Variants in FOXP1 observed in about 807,000 individuals in gnomAD.
The protein encoded by FOXP1 is forkhead box P1.
In FOXP1, 15 loss-of-function variants were observed where a neutral mutation model predicts 98.2. The ratio of observed to expected loss-of-function variants is 0.15; its 90% CI spans 0.10 to 0.24. The LOEUF (loss-of-function observed/expected upper bound fraction) is 0.24, where lower values mean the gene tolerates loss of function less well. Among genes scored for constraint, FOXP1 ranks in the 10% least tolerant of loss-of-function variants. The pLI, the probability that FOXP1 is intolerant of heterozygous loss-of-function variation, is 1.00. For missense variants in FOXP1, 633 were observed against 848.5 expected, an observed-to-expected ratio of 0.75 and a Z score of 3.15; for synonymous variants, 371 against 314.5, an observed-to-expected ratio of 1.18 and a Z score of -1.90.
At chr3:71,450,724 A>G (rs187794148) in intron 3 of FOXP1, among the ~76,000 whole-genome samples, 1 of 152,360 alleles carries the variant, frequency 6.6e-6, no homozygotes, top group Admixed American at 6.5e-5. Flanking sequence ...AGTAAGTGAT[A>G]AGATGAGTTG....
At chr3:71,448,264 A>G (rs6772376) in intron 3 of FOXP1, among the ~76,000 whole-genome samples, 99,794 of 151,964 alleles carry the variant, frequency 0.66, 34,239 homozygotes, top group Non-Finnish European at 0.75. Flanking sequence ...CTCTCTGAAC[A>G]GCTTCCACAA....
intron 6 of FOXP1, among the ~76,000 whole-genome samples, chr3:71,176,648 G>A (rs911803651): frequency 6.6e-6 from 1 of 151,456 alleles, no homozygotes; most frequent in African/African-American, 2.4e-5. Flanking sequence ...GGCTCGGGTG[G>A]GAGGATTGCT....
chr3:71,235,578 T>C (rs1033473740), intron 5 of FOXP1, among the ~76,000 whole-genome samples: 3 of 152,148 alleles, frequency 2.0e-5, no homozygotes, highest in Non-Finnish European at 2.9e-5. Context: ...TCTTTTTTTT[T>C]TCTCTTGAAA....
At chr3:71,502,971 T>G (rs2107212371) in intron 2 of FOXP1, among the ~76,000 whole-genome samples, 1 of 84,354 alleles carries the variant, frequency 1.2e-5, no homozygotes, top group East Asian at 3.2e-4. Context: ...TTTGCCTGCT[T>G]TACAATTAGA....
intron 19 of FOXP1, 179 bp downstream of exon 19, chr3:70,970,557 G>C: frequency 1.6e-6 from 1 of 639,832 alleles, no homozygotes; most frequent in Middle Eastern, 3.7e-4. Flanking sequence ...TAAGCATCCC[G>C]CTAACGCTGA....
intron 3 of FOXP1, among the ~76,000 whole-genome samples, chr3:71,481,917 C>T (rs1256168194): frequency 1.3e-5 from 2 of 152,086 alleles, no homozygotes; most frequent in Admixed American, 6.6e-5. Flanking sequence ...CGCCCCACTC[C>T]ACAAATTCAC....
Position 71,425,095 on chromosome 3 carries a change from G to GTTT in FOXP1, c.-167-65854_-167-65852dup, listed in dbSNP as rs35605533. ...ATCTACAAGGTGTCTTCATTTTCCT[G>GTTT]TTTTTTTTTGTTTCGTTTTGTTTTG... On this transcript the variant is annotated intron_variant, in intron 3 of 20. Coordinates refer to ENST00000649528, the MANE Select transcript of FOXP1 (RefSeq NM_001349338.3). Among the ~76,000 whole-genome samples, 11 of 150,968 alleles carry GTTT rather than the reference G, an allele frequency of 7.3e-5. No individual in the cohort carries two copies. The South Asian group carries it at 1.3e-3, about 17-fold the overall frequency.
intron 2 of FOXP1, among the ~76,000 whole-genome samples, chr3:71,566,385 C>T (rs2046914076): frequency 6.6e-6 from 1 of 152,200 alleles, no homozygotes; most frequent in African/African-American, 2.4e-5. Flanking sequence ...AGGAACTCAA[C>T]ACCAGACACC....
chr3:71,365,457 A>C (rs2078853634), intron 3 of FOXP1, among the ~76,000 whole-genome samples: 1 of 152,066 alleles, frequency 6.6e-6, no homozygotes, highest in African/African-American at 2.4e-5. Flanking sequence ...CAACCAAAAA[A>C]AAAAAAAAAA....
chr3:71,178,778 G>A (rs1466435042), intron 6 of FOXP1, among the ~76,000 whole-genome samples: 1 of 151,830 alleles, frequency 6.6e-6, no homozygotes, highest in Non-Finnish European at 1.5e-5. Context: ...CAGCTACTTG[G>A]GAGGCTGAAG....
intron 6 of FOXP1, among the ~76,000 whole-genome samples, chr3:71,114,165 A>G (rs1209341888): frequency 6.6e-6 from 1 of 152,252 alleles, no homozygotes; most frequent in Non-Finnish European, 1.5e-5. Flanking sequence ...TTAGAAAGTT[A>G]GCATAATGGA....
intron 3 of FOXP1, among the ~76,000 whole-genome samples, chr3:71,437,036 A>G (rs186568888): frequency 1.3e-5 from 2 of 152,350 alleles, no homozygotes; most frequent in East Asian, 1.9e-4. Context: ...CAAACTTGGT[A>G]TTACCATTCT....
intron 6 of FOXP1, among the ~76,000 whole-genome samples, chr3:71,186,648 T>G (rs112041879): frequency 0.011 from 1,675 of 151,826 alleles, 32 homozygotes; most frequent in African/African-American, 0.038. Flanking sequence ...GAGGTGGAGG[T>G]TGCAGTGAGC....
intron 6 of FOXP1, among the ~76,000 whole-genome samples, chr3:71,173,616 G>C (rs1427953528): frequency 1.3e-5 from 2 of 152,190 alleles, no homozygotes; most frequent in African/African-American, 4.8e-5. Context: ...TAAAGTGAGG[G>C]TGGGGGTGTG....
chr3:71,316,665 T>C (rs939192168), intron 4 of FOXP1, among the ~76,000 whole-genome samples: 1 of 151,602 alleles, frequency 6.6e-6, no homozygotes, highest in African/African-American at 2.4e-5. Context: ...ATATTCTTTT[T>C]TTTTTTTTTT....
chr3:70,982,572 G>A (rs2039043319), intron 14 of FOXP1, among the ~76,000 whole-genome samples: 1 of 152,074 alleles, frequency 6.6e-6, no homozygotes, highest in Admixed American at 6.5e-5. Context: ...AAATTCTTAT[G>A]TCATTTAAAA....
intron 3 of FOXP1, among the ~76,000 whole-genome samples, chr3:71,434,309 A>G (rs2085007592): frequency 6.6e-6 from 1 of 150,950 alleles, no homozygotes; most frequent in Admixed American, 6.6e-5. Context: ...AGTCAGGATG[A>G]CAGCTTCAGA....
At chr3:71,038,308 C>T (rs2047877209) in intron 11 of FOXP1, among the ~76,000 whole-genome samples, 1 of 152,322 alleles carries the variant, frequency 6.6e-6, no homozygotes, top group African/African-American at 2.4e-5. Flanking sequence ...TGCTAACCCA[C>T]GATCAAGGTC....
intron 3 of FOXP1, among the ~76,000 whole-genome samples, chr3:71,366,661 G>A (rs1472800868): frequency 1.3e-5 from 2 of 152,078 alleles, no homozygotes; most frequent in Admixed American, 6.6e-5. Flanking sequence ...GAAACATTTT[G>A]CACATTTCTA....
Sources: gnomAD v4.1 joint callset for allele counts (sites outside exome capture counted in the v4.1 genomes callset) on GRCh38, gnomAD v4.1.1 for gene constraint, MANE v1.5 for transcripts, NCBI Gene and HGNC (gene_info 2026-07-23, HGNC 2026-07-21) for gene names.